Variants in KLHL14 observed in about 807,000 individuals in gnomAD.
The protein encoded by KLHL14 is kelch-like protein 14.
Under a neutral mutation model 64.3 loss-of-function variants are expected in KLHL14, and 22 were observed. The ratio of observed to expected loss-of-function variants is 0.34; its 90% confidence interval spans 0.24 to 0.49. KLHL14 has a LOEUF of 0.49. Among genes scored for constraint, KLHL14 ranks in the 20% least tolerant of loss-of-function variants. The pLI, the probability that KLHL14 is intolerant of heterozygous loss-of-function variation, is 0.99. For synonymous variants in KLHL14, 322 were observed against 333.4 expected (o/e 0.97, Z 0.37); for missense variants, 661 against 789.0 (o/e 0.84, Z 1.94).
chr18:32,696,517 C>T (rs2049937453), intron 3 of KLHL14, among the ~76,000 whole-genome samples: 1 of 152,180 alleles, frequency 6.6e-6, no homozygotes, highest in South Asian at 2.1e-4. Flanking sequence ...TTGTTCAGCT[C>T]ATCATATGGG....
At chr18:32,726,436 C>T (rs1291383650) in intron 3 of KLHL14, among the ~76,000 whole-genome samples, 1 of 152,024 alleles carries the variant, frequency 6.6e-6, no homozygotes, top group Non-Finnish European at 1.5e-5. Context: ...CCAGCCTGGC[C>T]AACATGTTGA....
rs754323917 is a variant in KLHL14 at position 32,770,379 on chromosome 18, C to T, written c.213G>A (p.Gly71=). Residue 71 remains glycine (G), a synonymous_variant, in exon 2 of 9, where the codon GGG becomes GGA. Coordinates refer to ENST00000359358, the MANE Select transcript of KLHL14 (RefSeq NM_020805.3). This position sits in a 1 kb window ranked among gnomAD's most constrained non-coding sequence, Gnocchi z 6.7. ...LFSSHPPLGG[G]VGGQDGLGAP... ...CCCCCAGGCCGTCCTGGCCGCCGACCCCTCCCCCGAGAGGGGGGTGGCTGG... is the reference window on the plus strand; with the variant it reads ...CCCCCAGGCCGTCCTGGCCGCCGACTCCTCCCCCGAGAGGGGGGTGGCTGG... 1.3e-6 allele frequency: 2 copies of T among 1,591,694 alleles called. No homozygotes were observed. Among genetic ancestry groups the T allele is most frequent in the South Asian group, 1.1e-5 (1 of 87,928 alleles).
chr18:32,756,632 T>C (rs2050283524), intron 2 of KLHL14, among the ~76,000 whole-genome samples: 1 of 152,214 alleles, frequency 6.6e-6, no homozygotes, highest in Non-Finnish European at 1.5e-5. Flanking sequence ...TGGTTTCATT[T>C]GCTGCTCCTT....
chr18:32,680,188 A>G lies in KLHL14; in HGVS notation c.1569T>C (p.Ile523=), dbSNP rs1188726962. 2.1e-5 allele frequency: 34 copies of G among 1,613,644 alleles called. No individual in the cohort carries two copies. Among genetic ancestry groups the G allele is most frequent in the Non-Finnish European group, 2.7e-5 (32 of 1,179,742 alleles). Residue 523 remains isoleucine, a synonymous_variant, in exon 7 of 9, where the codon ATT becomes ATC. Transcript: ENST00000359358. This position sits in a 1 kb window ranked among gnomAD's most constrained non-coding sequence, Gnocchi z 4.8. ...LAVMNDRLYA[I]GGNHLKGFSH... is the part of the protein sequence containing the mutation. ...AAAGACCTTTCAAATGATTTCCTCC[A>G]ATTGCATACAAGCGATCATTCATTA...
At chr18:32,707,093 G>A (rs114074374) in intron 3 of KLHL14, among the ~76,000 whole-genome samples, 1,689 of 152,308 alleles carry the variant, frequency 0.011, 22 homozygotes, top group African/African-American at 0.039. Flanking sequence ...AGTTGAAGGT[G>A]ACCATAATAA....
intron 2 of KLHL14, among the ~76,000 whole-genome samples, chr18:32,763,974 G>T (rs2144191652): frequency 6.6e-6 from 1 of 152,246 alleles, no homozygotes; most frequent in Non-Finnish European, 1.5e-5. Context: ...AAGGCAGGCA[G>T]GATCTATACT....
At chr18:32,721,183 G>A (rs926145133) in intron 3 of KLHL14, among the ~76,000 whole-genome samples, 9 of 152,148 alleles carry the variant, frequency 5.9e-5, no homozygotes, top group Non-Finnish European at 1.0e-4. Context: ...ATTCCATGCC[G>A]CTGGACACTT....
At chr18:32,768,155 C>G (rs1013975912) in intron 2 of KLHL14, among the ~76,000 whole-genome samples, 1 of 152,140 alleles carries the variant, frequency 6.6e-6, no homozygotes, top group South Asian at 2.1e-4. Flanking sequence ...TAAAAGCACA[C>G]GGGGATTTGG....
intron 2 of KLHL14, among the ~76,000 whole-genome samples, chr18:32,753,228 G>A (rs1043178134): frequency 5.9e-5 from 9 of 152,196 alleles, no homozygotes; most frequent in East Asian, 1.9e-4. Flanking sequence ...ACTTGGGGAC[G>A]CACTATAAGA....
rs531746988 is a variant in KLHL14, at chr18:32,687,317, T to C, written c.1160-84A>G. The C allele has an allele frequency of 1.8e-4, 197 of 1,065,680 alleles. 6 individuals are homozygous for C. In the South Asian group the frequency reaches 2.4e-3, roughly 13 times the overall value. The allele number at this position is 1,065,680 out of a possible 1,614,324, so 66.0% of individuals were successfully genotyped here. ...AGTAGTGTTTTATCAGACGTCTCTATTCTCAGGTTTAACAAATAGATGAAT... is the reference window on the plus strand; with the variant it reads ...AGTAGTGTTTTATCAGACGTCTCTACTCTCAGGTTTAACAAATAGATGAAT... On this transcript the variant is annotated intron_variant, in intron 4 of 8. Transcript: ENST00000359358.
At chr18:32,687,017 C>G (rs922634952) in intron 5 of KLHL14, 138 bp downstream of exon 5, 1 of 668,516 alleles carries the variant, frequency 1.5e-6, no homozygotes. Flanking sequence ...TGTAAACTGG[C>G]TAGGCCAAGT....
intron 4 of KLHL14, among the ~76,000 whole-genome samples, chr18:32,690,902 T>C (rs569003713): frequency 2.0e-5 from 3 of 152,182 alleles, no homozygotes; most frequent in East Asian, 1.9e-4. Flanking sequence ...TGAGTTTTAT[T>C]TGGGGACATA....
At chr18:32,729,670 A>C (rs1420291091) in intron 3 of KLHL14, among the ~76,000 whole-genome samples, 1 of 152,240 alleles carries the variant, frequency 6.6e-6, no homozygotes, top group Non-Finnish European at 1.5e-5. Flanking sequence ...AAATAAGGCC[A>C]CAAAATAGAA....
intron 3 of KLHL14, chr18:32,740,826 C>T (rs992424936): frequency 6.6e-6 from 1 of 152,106 alleles, no homozygotes; most frequent in African/African-American, 2.4e-5. Context: ...GTTGCAGTTC[C>T]TGGACAATGC....
At position 32,769,788 on chromosome 18, in the gene KLHL14, G is replaced by A. The variant is rs1461563591; in HGVS notation, c.804C>T (p.Leu268=). 1.2e-6 allele frequency: 2 copies of A among 1,610,312 alleles called. No homozygotes were observed. The highest frequency in any genetic ancestry group is 1.3e-5 in the African/African-American group (1 of 74,880). The change falls in exon 2 of 9, where the codon CTC becomes CTT. Residue 268 remains leucine (L), a synonymous_variant. Coordinates refer to ENST00000359358, the MANE Select transcript of KLHL14 (RefSeq NM_020805.3). ...GCTCCACCAGCTCCGGGGCCGGGAT[G>A]AGGGCGAAGCGGAGGCGCTTCATGA... The part of the protein sequence containing the change: ...PDLMKRLRFA[L]IPAPELVERV...
intron 3 of KLHL14, among the ~76,000 whole-genome samples, chr18:32,719,940 AACTG>A (rs1454921527): frequency 6.6e-6 from 1 of 152,216 alleles, no homozygotes; most frequent in Admixed American, 6.5e-5. Flanking sequence ...TAGTATATGT[AACTG>A]ACTAATTTAT....
intron 1 of KLHL14, chr18:32,772,220 C>G (rs1304499362): frequency 7.5e-6 from 3 of 397,536 alleles, no homozygotes; most frequent in South Asian, 5.3e-5. Context: ...GGCGCCGGTC[C>G]TGGATCGCCG....
chr18:32,686,177 A>ATTTTTTTTTTTTTTTTTT (rs148393455), intron 5 of KLHL14, among the ~76,000 whole-genome samples: 5 of 107,674 alleles, frequency 4.6e-5, no homozygotes, highest in African/African-American at 3.6e-5. Flanking sequence ...GTGCCCGGCT[A>ATTTTTTTTTTTTTTTTTT]TTTTTTTTTT....
intron 2 of KLHL14, among the ~76,000 whole-genome samples, chr18:32,765,651 ATT>A (rs1398338552): frequency 3.3e-5 from 5 of 152,180 alleles, no homozygotes; most frequent in African/African-American, 1.2e-4. Context: ...TGTTAAGGTT[ATT>A]ACTCAGTTCT....
Sources: gnomAD v4.1 joint callset for allele counts (sites outside exome capture counted in the v4.1 genomes callset) on GRCh38, gnomAD v4.1.1 for gene constraint, Gnocchi (gnomAD v3.1) non-coding constraint, MANE v1.5 for transcripts, NCBI Gene and HGNC (gene_info 2026-07-23, HGNC 2026-07-21) for gene names.